KCNIP4: variants seen among roughly 807,000 people sequenced by gnomAD.
KCNIP4 encodes the protein potassium voltage-gated channel interacting protein 4.
A neutral mutation model predicts 34.0 loss-of-function variants in KCNIP4; 12 were observed. That is an observed-to-expected ratio of 0.35 (90% CI 0.23 to 0.57). KCNIP4 has a LOEUF of 0.57. Ranked by LOEUF, KCNIP4 falls within the 20% of genes least tolerant of loss-of-function variation. KCNIP4 has a pLI of 0.83. For missense variants in KCNIP4, 238 were observed against 311.7 expected (o/e 0.76, Z 1.78); for synonymous variants, 124 against 102.2 (o/e 1.21, Z -1.29).
At chr4:20,756,790 C>A (rs767364996) in intron 4 of KCNIP4, among the ~76,000 whole-genome samples, 6 of 152,038 alleles carry the variant, frequency 3.9e-5, no homozygotes, top group South Asian at 2.1e-4. Flanking sequence ...CTATCTATCT[C>A]TCTTGTGTTT....
chr4:21,293,081 T>C (rs1035369528), intron 1 of KCNIP4, among the ~76,000 whole-genome samples: 21 of 152,186 alleles, frequency 1.4e-4, no homozygotes, highest in Admixed American at 5.9e-4. Flanking sequence ...GATAACCATA[T>C]GTAAAACAAA....
chr4:21,786,829 G>A (rs1184625333), intron 1 of KCNIP4, among the ~76,000 whole-genome samples: 1 of 152,050 alleles, frequency 6.6e-6, no homozygotes, highest in Admixed American at 6.6e-5. Context: ...GCCTCCCAAA[G>A]TGTGGGATTA....
Position 21,238,786 on chromosome 4 carries a change from G to T in KCNIP4, c.62-356077C>A, listed in dbSNP as rs1250749842. ...CATGGGTAGGAAGAATCAATATCAT[G>T]AAAATGGCTATACTGCCCAAGGTAA... On this transcript the variant is annotated intron_variant, in intron 1 of 8. Coordinates refer to ENST00000382152, the MANE Select transcript of KCNIP4 (RefSeq NM_025221.6). 1.3e-3 allele frequency among the ~76,000 whole-genome samples: 194 copies of T among 152,260 alleles called. 2 individuals are homozygous for T. Among genetic ancestry groups the T allele is most frequent in the Non-Finnish European group, 1.9e-4 (13 of 68,024 alleles).
At chr4:21,174,376 A>G (rs1480610806) in intron 1 of KCNIP4, among the ~76,000 whole-genome samples, 1 of 152,186 alleles carries the variant, frequency 6.6e-6, no homozygotes, top group Non-Finnish European at 1.5e-5. Context: ...GATCTTGGAC[A>G]AAAGACTTAA....
At chr4:21,646,463 T>C (rs1196429811) in intron 1 of KCNIP4, among the ~76,000 whole-genome samples, 1 of 152,224 alleles carries the variant, frequency 6.6e-6, no homozygotes, top group Non-Finnish European at 1.5e-5. Flanking sequence ...TTTCTGTCCA[T>C]ACTAATATAA....
chr4:20,794,469 C>A (rs561577702), intron 3 of KCNIP4, among the ~76,000 whole-genome samples: 128 of 152,210 alleles, frequency 8.4e-4, no homozygotes, highest in Admixed American at 1.4e-3. Flanking sequence ...GTTAATTATA[C>A]CTCAATAAAC....
intron 1 of KCNIP4, among the ~76,000 whole-genome samples, chr4:21,058,361 G>T (rs1424894789): frequency 6.6e-6 from 1 of 152,096 alleles, no homozygotes; most frequent in African/African-American, 2.4e-5. Context: ...AGTGATGGGC[G>T]CAAAGGAAGA....
intron 3 of KCNIP4, among the ~76,000 whole-genome samples, chr4:20,811,659 T>C (rs916608322): frequency 1.3e-5 from 2 of 152,218 alleles, no homozygotes; most frequent in Non-Finnish European, 2.9e-5. Context: ...ATCATATCTG[T>C]ACTTTGAGAA....
At chr4:21,745,163 C>A (rs1223333086) in intron 1 of KCNIP4, among the ~76,000 whole-genome samples, 2 of 152,084 alleles carry the variant, frequency 1.3e-5, no homozygotes, top group Non-Finnish European at 2.9e-5. Flanking sequence ...AAGTAGAAAT[C>A]TTTGATAAAA....
At chr4:21,814,940 G>A (rs187230995) in intron 1 of KCNIP4, among the ~76,000 whole-genome samples, 66 of 152,164 alleles carry the variant, frequency 4.3e-4, no homozygotes, top group Non-Finnish European at 4.6e-4. Context: ...CAATCTTACC[G>A]GGGCAACTTT....
At chr4:20,934,557 T>A (rs1016607416) in intron 1 of KCNIP4, among the ~76,000 whole-genome samples, 1 of 152,228 alleles carries the variant, frequency 6.6e-6, no homozygotes, top group Non-Finnish European at 1.5e-5. Context: ...AATATTTATA[T>A]TCCTGAGAGT....
At chr4:21,533,179 T>C (rs1428505466) in intron 1 of KCNIP4, among the ~76,000 whole-genome samples, 1 of 152,026 alleles carries the variant, frequency 6.6e-6, no homozygotes, top group East Asian at 1.9e-4. Flanking sequence ...CTTCTAAGTA[T>C]CAAAATAAAA....
At chr4:21,679,606 T>C (rs1236013692) in intron 1 of KCNIP4, among the ~76,000 whole-genome samples, 1 of 152,222 alleles carries the variant, frequency 6.6e-6, no homozygotes, top group East Asian at 1.9e-4. Flanking sequence ...AGTCTAGTAA[T>C]ACACTATCTG....
At chr4:21,470,505 T>C (rs942178288) in intron 1 of KCNIP4, among the ~76,000 whole-genome samples, 2 of 152,148 alleles carry the variant, frequency 1.3e-5, no homozygotes, top group African/African-American at 4.8e-5. Flanking sequence ...ATAATGTGGT[T>C]TAGTTGTACA....
At chr4:21,716,769 C>T (rs4530617) in intron 1 of KCNIP4, among the ~76,000 whole-genome samples, 49,158 of 151,956 alleles carry the variant, frequency 0.32, 8,879 homozygotes, top group East Asian at 0.67. Flanking sequence ...CATGCTAAAA[C>T]GGCCTTGTTG....
intron 1 of KCNIP4, among the ~76,000 whole-genome samples, chr4:21,641,983 G>A (rs979583970): frequency 2.0e-5 from 3 of 152,134 alleles, no homozygotes; most frequent in Admixed American, 1.3e-4. Flanking sequence ...TCATGGAAGG[G>A]GGGTAGTGCT....
At chr4:21,290,564 T>C (rs748632601) in intron 1 of KCNIP4, among the ~76,000 whole-genome samples, 3 of 152,208 alleles carry the variant, frequency 2.0e-5, no homozygotes, top group African/African-American at 4.8e-5. Context: ...TTAAGAAATA[T>C]GTTCTGAGTA....
chr4:21,578,478 C>T (rs1393622405), intron 1 of KCNIP4, among the ~76,000 whole-genome samples: 2 of 150,034 alleles, frequency 1.3e-5, no homozygotes, highest in Admixed American at 1.3e-4. Context: ...TATGACAAAA[C>T]ATGGGCATTA....
At chr4:21,265,693 A>T (rs1404603660) in intron 1 of KCNIP4, among the ~76,000 whole-genome samples, 2 of 152,204 alleles carry the variant, frequency 1.3e-5, no homozygotes, top group Non-Finnish European at 2.9e-5. Context: ...ATAATGGAAA[A>T]TAAGTTCCAC....
Sources: gnomAD v4.1 joint callset for allele counts (sites outside exome capture counted in the v4.1 genomes callset) on GRCh38, gnomAD v4.1.1 for gene constraint, MANE v1.5 for transcripts, NCBI Gene and HGNC (gene_info 2026-07-23, HGNC 2026-07-21) for gene names.